Variants in RGPD3 observed in about 807,000 individuals in gnomAD.
RGPD3 encodes the protein ranBP2-like and GRIP domain-containing protein 3.
Under a neutral mutation model 154.5 loss-of-function variants are expected in RGPD3, and 62 were observed. The ratio of observed to expected loss-of-function variants is 0.40; its 90% confidence interval spans 0.33 to 0.50. RGPD3 has a LOEUF of 0.50. Among genes scored for constraint, RGPD3 ranks in the 20% least tolerant of loss-of-function variants. The pLI is 0.59. For missense variants in RGPD3, 919 were observed against 1,716.8 expected, an observed-to-expected ratio of 0.54 and a Z score of 8.21; for synonymous variants, 308 against 607.0, an observed-to-expected ratio of 0.51 and a Z score of 7.24.
At chr2:106,449,907 C>A (rs1258122189) in intron 6 of RGPD3, among the ~76,000 whole-genome samples, 1 of 151,812 alleles carries the variant, frequency 6.6e-6, no homozygotes, top group African/African-American at 2.4e-5. Context: ...GGCCCAGCTA[C>A]TCGGGAGGCT....
chr2:106,432,804 C>CA, intron 17 of RGPD3, 131 bp downstream of exon 17: 2 of 590,472 alleles, frequency 3.4e-6, no homozygotes, highest in Non-Finnish European at 2.5e-6. Context: ...AAAAAAAGAC[C>CA]AAAATGTCCC....
intron 6 of RGPD3, among the ~76,000 whole-genome samples, chr2:106,449,065 C>A (rs927566858): frequency 1.3e-5 from 2 of 151,490 alleles, no homozygotes; most frequent in African/African-American, 4.9e-5. Context: ...GAGAATCTAG[C>A]TATGTTCTAT....
Position 106,468,232 on chromosome 2 carries a change from G to A in RGPD3, c.57C>T (p.Ala19=). The A allele has an allele frequency of 6.2e-7, 1 of 1,606,996 alleles. No homozygotes were observed. Among genetic ancestry groups the A allele is most frequent in the Non-Finnish European group, 8.5e-7 (1 of 1,177,876 alleles). Residue 19 remains alanine, a synonymous_variant, in exon 1 of 23, where the codon GCC becomes GCT. Transcript: ENST00000409886. The stretch of plus-strand genomic sequence containing the variant: ...ACCCACTCACCTTTCGAGGCGACGG[G>A]GCGGAGCCCTGCACCGAGGCGACGT... ...ERYVASVQGS[A]PSPRKKSTRG...
intron 2 of RGPD3, among the ~76,000 whole-genome samples, chr2:106,458,013 AAATT>A (rs1192239431): frequency 1.2e-5 from 1 of 80,118 alleles, no homozygotes; most frequent in African/African-American, 4.1e-5. Context: ...TTTTGCAAAT[AAATT>A]AGAAGTGATT....
chr2:106,467,611 G>A (rs1678666856), intron 1 of RGPD3, among the ~76,000 whole-genome samples: 1 of 141,484 alleles, frequency 7.1e-6, no homozygotes, highest in East Asian at 2.0e-4. Context: ...CAAGGCAGCC[G>A]CCGGGCCGGG....
intron 21 of RGPD3, among the ~76,000 whole-genome samples, chr2:106,414,637 T>C (rs1005471733): frequency 1.2e-4 from 18 of 149,786 alleles, no homozygotes; most frequent in African/African-American, 4.4e-4. Context: ...AAAAAGAAAA[T>C]ATAACATTTA....
rs563960391 is a variant in RGPD3 at position 106,432,820 on chromosome 2, C to T, written c.2469+115G>A. ...AAAAAAGACCAAAATGTCCCCTTGC[C>T]ATACTATTTGGATGGCAAGGGGACA... is the stretch of plus-strand genomic sequence containing the variant. On this transcript the variant is annotated intron_variant, in intron 17 of 22. Transcript: ENST00000409886. 3.4e-5 allele frequency: 34 copies of T among 998,278 alleles called. No individual in the cohort carries two copies. The African/African-American group carries it at 5.1e-4, about 15-fold the overall frequency. The allele number at this position is 998,278 out of a possible 1,614,324, so 61.8% of individuals were successfully genotyped here.
intron 20 of RGPD3, 41 bp downstream of exon 20, chr2:106,423,002 G>A (rs1465692318): frequency 7.7e-6 from 8 of 1,034,760 alleles, no homozygotes; most frequent in Non-Finnish European, 3.0e-6. Context: ...AACATTAAAA[G>A]AAAGAAAAAT....
chr2:106,414,627 AAAAAG>A (rs1212771903), intron 21 of RGPD3, among the ~76,000 whole-genome samples: 9 of 151,484 alleles, frequency 5.9e-5, no homozygotes, highest in African/African-American at 2.2e-4. Context: ...CTCAAAAAAA[AAAAAG>A]AAAATATAAC....
At chr2:106,415,043 AG>A (rs1676783072) in intron 21 of RGPD3, among the ~76,000 whole-genome samples, 1 of 151,976 alleles carries the variant, frequency 6.6e-6, no homozygotes, top group East Asian at 1.9e-4. Flanking sequence ...CTATATTCTG[AG>A]GGGTGATTTA....
intron 1 of RGPD3, among the ~76,000 whole-genome samples, chr2:106,462,800 T>C (rs1156855346): frequency 6.6e-6 from 1 of 151,664 alleles, no homozygotes; most frequent in African/African-American, 2.4e-5. Context: ...CAAACCCATC[T>C]GATCAGCTCC....
intron 7 of RGPD3, among the ~76,000 whole-genome samples, chr2:106,446,094 G>GA (rs1373976244): frequency 1.2e-4 from 11 of 91,964 alleles, no homozygotes; most frequent in African/African-American, 4.6e-4. Context: ...GTCTCAAAAA[G>GA]AAAAAAAGAT....
intron 17 of RGPD3, among the ~76,000 whole-genome samples, chr2:106,432,326 G>A (rs1235367841): frequency 6.7e-6 from 1 of 148,268 alleles, no homozygotes; most frequent in African/African-American, 2.5e-5. Flanking sequence ...GGTGGCGGGT[G>A]CCTGTAATCC....
rs756424222 is a variant in RGPD3 at position 106,436,196 on chromosome 2, G to A, written c.1685C>T (p.Thr562Ile). 36 of 1,611,746 alleles carry A rather than the reference G, an allele frequency of 2.2e-5. 1 individual carries two copies. Among genetic ancestry groups the A allele is most frequent in the South Asian group, 1.8e-4 (16 of 90,964 alleles). Reference sequence around the variant, plus strand: ...GCCATGTTTTTCCTGGGCTCTTAGAGTGTTTATTTCATGCTGAACTAGAAG... The same window carrying A: ...GCCATGTTTTTCCTGGGCTCTTAGAATGTTTATTTCATGCTGAACTAGAAG... ...LRLLVQHEIN[T>I]LRAQEKHGLQ... Residue 562 changes from threonine to isoleucine, a missense_variant, in exon 12 of 23, where the codon ACT becomes ATT. By Grantham distance (89) the Thr-to-Ile change is moderately conservative. Transcript: ENST00000409886.
In RGPD3 at chr2:106,424,100, T is replaced by C. The variant is rs776436730; in HGVS notation, c.3867A>G (p.Thr1289=). ...RKNLFHFDES[T]TGSNFSFKSA... ...ATTTAAAACTGAAGTTAGATCCTGTTGTTGACTCATCAAAGTGGAAAAGAT... is the reference window on the plus strand; with the variant it reads ...ATTTAAAACTGAAGTTAGATCCTGTCGTTGACTCATCAAAGTGGAAAAGAT... The change falls in exon 20 of 23, where the codon ACA becomes ACG. Residue 1289 remains threonine, a synonymous_variant. Coordinates refer to ENST00000409886, the MANE Select transcript of RGPD3 (RefSeq NM_001144013.2). 1 of 1,599,560 alleles carries C rather than the reference T, an allele frequency of 6.3e-7. No individual in the cohort carries two copies. The highest frequency in any genetic ancestry group is 1.7e-5 in the Admixed American group (1 of 59,292).
chr2:106,424,092 G>T lies in RGPD3; in HGVS notation c.3875C>A (p.Ser1292Tyr). 6.2e-7 allele frequency: 1 copy of T among 1,611,300 alleles called. No homozygotes were observed. Among genetic ancestry groups the T allele is most frequent in the Non-Finnish European group, 8.5e-7 (1 of 1,179,704 alleles). ...CAAAGCAGATTTAAAACTGAAGTTA[G>T]ATCCTGTTGTTGACTCATCAAAGTG... is the stretch of plus-strand genomic sequence containing the variant. Reference protein sequence around the residue: ...LFHFDESTTGSNFSFKSALSL... With the variant: ...LFHFDESTTGYNFSFKSALSL... Residue 1292 changes from serine to tyrosine, a missense_variant, in exon 20 of 23, where the codon TCT becomes TAT. Transcript: ENST00000409886.
rs1400915254 is a variant in RGPD3, at chr2:106,450,266, G to T, written c.782+1939C>A. On this transcript the variant is annotated intron_variant, in intron 6 of 22. Transcript: ENST00000409886. ...GTGGTGGTGGGCGCCTGTAGTCCCAGCTACTCAGGAGGCTGAGGCAGAAGA... is the reference window on the plus strand; with the variant it reads ...GTGGTGGTGGGCGCCTGTAGTCCCATCTACTCAGGAGGCTGAGGCAGAAGA... Among the ~76,000 whole-genome samples, 5 of 72,722 alleles carry T rather than the reference G, an allele frequency of 6.9e-5. 2 individuals are homozygous for T. Among genetic ancestry groups the T allele is most frequent in the African/African-American group, 2.1e-4 (5 of 23,338 alleles). The allele number at this position is 72,722 out of a possible 152,430, so 47.7% of individuals were successfully genotyped here.
At chr2:106,469,614 C>T (rs1678760610), upstream of RGPD3, among the ~76,000 whole-genome samples, 1 of 152,226 alleles carries the variant, frequency 6.6e-6, no homozygotes, top group Non-Finnish European at 1.5e-5. Flanking sequence ...GGCTTCCTAA[C>T]TTGGTAAATC....
In RGPD3 at chr2:106,413,676, G is replaced by GA. The variant is rs1676739410; in HGVS notation, c.5065-392dup. 3.9e-5 allele frequency among the ~76,000 whole-genome samples: 6 copies of GA among 152,242 alleles called. No individual in the cohort carries two copies. In the South Asian group the frequency reaches 1.2e-3, roughly 32 times the overall value. ...ATACAAGAGGAGAAAAAGTAGATGA[G>GA]ACACATCAAGAAATTCTCACGAGAA... On this transcript the variant is annotated intron_variant, in intron 21 of 22. Coordinates refer to ENST00000409886, the MANE Select transcript of RGPD3 (RefSeq NM_001144013.2).
Sources: allele counts gnomAD v4.1 joint callset (sites outside exome capture counted in the v4.1 genomes callset), GRCh38; gene constraint gnomAD v4.1.1; transcripts MANE v1.5; gene names NCBI Gene and HGNC (gene_info 2026-07-23, HGNC 2026-07-21).